SLC35F4: variants seen among roughly 807,000 people sequenced by gnomAD.
SLC35F4 encodes chromosome 14 open reading frame 36.
Under a neutral mutation model 44.2 loss-of-function variants are expected in SLC35F4, and 24 were observed. The observed-to-expected ratio is 0.54, with a 90% CI of 0.39 to 0.76. The LOEUF is 0.76. Among genes scored for constraint, SLC35F4 ranks in the 30% least tolerant of loss-of-function variants. SLC35F4 has a pLI of 0.00. For synonymous variants in SLC35F4, 238 were observed against 223.6 expected, an observed-to-expected ratio of 1.06 and a Z score of -0.57; for missense variants, 562 against 586.1, an observed-to-expected ratio of 0.96 and a Z score of 0.42.
At chr14:57,778,733 T>C (rs1382142651) in intron 1 of SLC35F4, among the ~76,000 whole-genome samples, 1 of 149,720 alleles carries the variant, frequency 6.7e-6, no homozygotes, top group Non-Finnish European at 1.5e-5. Context: ...AAAACAATGC[T>C]CAGCAAATTA....
chr14:57,656,639 T>C (rs991516888), intron 1 of SLC35F4, among the ~76,000 whole-genome samples: 1 of 152,048 alleles, frequency 6.6e-6, no homozygotes, highest in Non-Finnish European at 1.5e-5. Flanking sequence ...AGCTATGTGC[T>C]CAGCATCCCC....
chr14:57,570,012 A>G, intron 5 of SLC35F4, 32 bp from the exon 6 acceptor site: 1 of 1,555,900 alleles, frequency 6.4e-7, no homozygotes, highest in South Asian at 1.3e-5. Flanking sequence ...ACAGCCACAC[A>G]GAAACTTAGC....
intron 1 of SLC35F4, among the ~76,000 whole-genome samples, chr14:57,660,156 G>A (rs988456738): frequency 1.3e-5 from 2 of 152,176 alleles, no homozygotes; most frequent in Non-Finnish European, 2.9e-5. Flanking sequence ...GAGACTCCAC[G>A]AGAGGAAACA....
chr14:57,677,907 G>T (rs1192421843), intron 1 of SLC35F4, among the ~76,000 whole-genome samples: 3 of 151,972 alleles, frequency 2.0e-5, no homozygotes, highest in East Asian at 3.8e-4. Context: ...AACAAAAGAG[G>T]CAGCATCACT....
intron 1 of SLC35F4, among the ~76,000 whole-genome samples, chr14:57,683,387 G>C (rs753286377): frequency 6.6e-6 from 1 of 152,172 alleles, no homozygotes; most frequent in Non-Finnish European, 1.5e-5. Context: ...CACTTTAAAA[G>C]CTGGGTTAAG....
Position 57,734,048 on chromosome 14 carries a change from G to A in SLC35F4, c.103+131675C>T, listed in dbSNP as rs184452432. Among the ~76,000 whole-genome samples, 92 of 152,256 alleles carry A rather than the reference G, an allele frequency of 6.0e-4. 1 individual carries two copies. The highest frequency in any genetic ancestry group is 2.0e-3 in the African/African-American group (84 of 41,564). On this transcript the variant is annotated intron_variant, in intron 1 of 7. Coordinates refer to ENST00000556826, the MANE Select transcript of SLC35F4 (RefSeq NM_001306087.2). ...CCCTTATCCATGAGCCCCATGTAGC[G>A]TAAGGAAAGTCTTTCTGGAAATAAG...
intron 1 of SLC35F4, among the ~76,000 whole-genome samples, chr14:57,616,458 C>G (rs1264279010): frequency 1.3e-5 from 2 of 152,298 alleles, no homozygotes; most frequent in East Asian, 3.9e-4. Context: ...GATGTACATG[C>G]TCCCCTAGTA....
chr14:57,573,082 T>C (rs781051192), intron 4 of SLC35F4, among the ~76,000 whole-genome samples: 21 of 138,952 alleles, frequency 1.5e-4, no homozygotes, highest in Non-Finnish European at 2.9e-4. Flanking sequence ...CAAGTAAAGA[T>C]AGCTTTTTAA....
chr14:57,606,753 C>G (rs1161884440), intron 1 of SLC35F4, among the ~76,000 whole-genome samples: 4 of 152,204 alleles, frequency 2.6e-5, no homozygotes, highest in East Asian at 1.9e-4. Flanking sequence ...CTGGTACGCT[C>G]TCCTGGAATC....
intron 1 of SLC35F4, among the ~76,000 whole-genome samples, chr14:57,880,373 G>C (rs1888508257): frequency 6.6e-6 from 1 of 152,132 alleles, no homozygotes; most frequent in Non-Finnish European, 1.5e-5. Context: ...TATTCCAGTG[G>C]TCCCCTGGCT....
chr14:57,767,924 G>C (rs548528445), intron 1 of SLC35F4, among the ~76,000 whole-genome samples: 1 of 152,234 alleles, frequency 6.6e-6, no homozygotes, highest in South Asian at 2.1e-4. Context: ...AAATGGACCA[G>C]TCTCTCAAAA....
chr14:57,869,171 A>G (rs541214726), upstream of SLC35F4, among the ~76,000 whole-genome samples: 1 of 151,726 alleles, frequency 6.6e-6, no homozygotes, highest in Non-Finnish European at 1.5e-5. Flanking sequence ...CTAATTGAGT[A>G]TACAATTAGG....
At chr14:57,865,470 C>G (rs1275253231) in intron 1 of SLC35F4, among the ~76,000 whole-genome samples, 2 of 152,210 alleles carry the variant, frequency 1.3e-5, no homozygotes, top group African/African-American at 4.8e-5. Context: ...CCGCACCTCC[C>G]CCCAAGGCTA....
intron 1 of SLC35F4, among the ~76,000 whole-genome samples, chr14:57,788,072 G>C (rs564750924): frequency 6.6e-6 from 1 of 152,214 alleles, no homozygotes; most frequent in East Asian, 1.9e-4. Flanking sequence ...CAAAGGGGTG[G>C]AAAAAGGCTT....
chr14:57,708,770 C>T (rs2075741435), intron 1 of SLC35F4, among the ~76,000 whole-genome samples: 1 of 152,050 alleles, frequency 6.6e-6, no homozygotes, highest in Non-Finnish European at 1.5e-5. Context: ...GAATGCCATG[C>T]TGCGCTGATA....
chr14:57,739,407 A>G (rs1033523099), intron 1 of SLC35F4, among the ~76,000 whole-genome samples: 5 of 152,186 alleles, frequency 3.3e-5, no homozygotes, highest in African/African-American at 7.2e-5. Flanking sequence ...TGATAAGAGT[A>G]AAAAAACACA....
At chr14:57,654,666 A>T (rs1053318996) in intron 1 of SLC35F4, among the ~76,000 whole-genome samples, 1 of 152,206 alleles carries the variant, frequency 6.6e-6, no homozygotes, top group Non-Finnish European at 1.5e-5. Flanking sequence ...AGGAACCTTC[A>T]TACTGTTTTC....
At chr14:57,589,158 G>C in intron 3 of SLC35F4, 58 bp downstream of exon 3, 1 of 1,503,062 alleles carries the variant, frequency 6.7e-7, no homozygotes, top group South Asian at 1.4e-5. Flanking sequence ...ATAAAAATAG[G>C]CATATTTTCA....
intron 4 of SLC35F4, chr14:57,580,515 T>G (rs766224980): frequency 7.6e-6 from 3 of 396,212 alleles, no homozygotes; most frequent in African/African-American, 2.1e-5. Flanking sequence ...TCTGGCTCCT[T>G]AAATCTTCAG....
Sources: allele counts gnomAD v4.1 joint callset (sites outside exome capture counted in the v4.1 genomes callset), GRCh38; gene constraint gnomAD v4.1.1; transcripts MANE v1.5; gene names NCBI Gene and HGNC (gene_info 2026-07-23, HGNC 2026-07-21).